Variants in NOL4 observed in about 807,000 individuals in gnomAD.
The protein encoded by NOL4 is cancer/testis antigen 125.
In NOL4, 17 loss-of-function variants were observed where a neutral mutation model predicts 75.9. The ratio of observed to expected loss-of-function variants is 0.22; its 90% confidence interval spans 0.15 to 0.34. The LOEUF (loss-of-function observed/expected upper bound fraction) is 0.34. Among genes scored for constraint, NOL4 ranks in the 10% least tolerant of loss-of-function variants. NOL4 has a pLI of 1.00. For synonymous variants in NOL4, 292 were observed against 289.9 expected, an observed-to-expected ratio of 1.01 and a Z score of -0.07; for missense variants, 614 against 793.5, an observed-to-expected ratio of 0.77 and a Z score of 2.72.
At chr18:34,095,057 T>C (rs1421475775) in intron 4 of NOL4, among the ~76,000 whole-genome samples, 1 of 152,036 alleles carries the variant, frequency 6.6e-6, no homozygotes, top group Non-Finnish European at 1.5e-5. Flanking sequence ...GGCTTGGTGG[T>C]TTTGGCTGTG....
In NOL4 at chr18:34,002,007, T is replaced by G. The variant is rs181584423; in HGVS notation, c.1056+17311A>C. On this transcript the variant is annotated intron_variant, in intron 6 of 10. Coordinates refer to ENST00000261592, the MANE Select transcript of NOL4 (RefSeq NM_003787.5). Reference sequence around the variant, plus strand: ...AGTGCCATCCACACAGAAACCTACCTTAGTGACTTGTAGTACCACTCACCC... The same window carrying G: ...AGTGCCATCCACACAGAAACCTACCGTAGTGACTTGTAGTACCACTCACCC... 3.2e-3 allele frequency among the ~76,000 whole-genome samples: 481 copies of G among 152,224 alleles called. 6 individuals are homozygous for G. Among genetic ancestry groups the G allele is most frequent in the African/African-American group, 0.01 (423 of 41,564 alleles).
At chr18:34,089,794 TA>T (rs371975665) in intron 5 of NOL4, among the ~76,000 whole-genome samples, 10 of 152,352 alleles carry the variant, frequency 6.6e-5, no homozygotes, top group African/African-American at 2.4e-4. Context: ...AGGAAGCTGC[TA>T]AACATTATGC....
At chr18:34,022,946 T>A (rs2144516291) in intron 5 of NOL4, among the ~76,000 whole-genome samples, 1 of 152,218 alleles carries the variant, frequency 6.6e-6, no homozygotes, top group South Asian at 2.1e-4. Flanking sequence ...ATAAGTGCCT[T>A]GTTTTTATAT....
At chr18:34,221,926 G>A (rs950722358) in intron 1 of NOL4, 5 of 1,033,028 alleles carry the variant, frequency 4.8e-6, no homozygotes, top group African/African-American at 4.8e-5. Context: ...CAGGAGGGGG[G>A]AAAGGAAGAA....
At chr18:34,115,570 G>T (rs1304328300) in intron 2 of NOL4, among the ~76,000 whole-genome samples, 6 of 151,282 alleles carry the variant, frequency 4.0e-5, no homozygotes, top group South Asian at 2.1e-4. Flanking sequence ...GGCAATAAAA[G>T]GTTGGGGTGG....
At chr18:33,922,152 C>T (rs894283696) in intron 9 of NOL4, among the ~76,000 whole-genome samples, 1 of 152,196 alleles carries the variant, frequency 6.6e-6, no homozygotes, top group Admixed American at 6.5e-5. Flanking sequence ...AATTATGAGA[C>T]ACTCAATCAA....
chr18:34,213,837 A>C (rs963939062), intron 1 of NOL4, among the ~76,000 whole-genome samples: 1 of 152,224 alleles, frequency 6.6e-6, no homozygotes, highest in Non-Finnish European at 1.5e-5. Context: ...AAATCAAAGA[A>C]GTATAATTAA....
At chr18:33,868,211 A>AT (rs74341988) in intron 10 of NOL4, among the ~76,000 whole-genome samples, 213 of 141,358 alleles carry the variant, frequency 1.5e-3, no homozygotes, top group Middle Eastern at 7.5e-3. Context: ...CACCTGGGTA[A>AT]TTTTTTTTTT....
Position 34,019,321 on chromosome 18 carries a change from G to A in NOL4, c.1053C>T (p.Ser351=). ...GGAAATTGTAATGTGATCATACCTT[G>A]CTTCCATTTTCTCTCGCCTCTCGTT... ...KMEREARENG[S]KSPAHSYSSY... is the part of the protein sequence containing the mutation. The change falls in exon 6 of 11, where the codon AGC becomes AGT. Residue 351 remains serine (S), a synonymous_variant. Transcript: ENST00000261592. The A allele has an allele frequency of 6.2e-7, 1 of 1,612,710 alleles. No homozygotes were observed. The highest frequency in any genetic ancestry group is 8.5e-7 in the Non-Finnish European group (1 of 1,178,984).
intron 6 of NOL4, among the ~76,000 whole-genome samples, chr18:33,961,192 A>T (rs1261005942): frequency 6.6e-6 from 1 of 152,134 alleles, no homozygotes; most frequent in Non-Finnish European, 1.5e-5. Flanking sequence ...TGACAGGATG[A>T]CACGGTGTCC....
intron 6 of NOL4, among the ~76,000 whole-genome samples, chr18:34,002,479 A>G (rs2073783050): frequency 6.6e-6 from 1 of 151,966 alleles, no homozygotes; most frequent in African/African-American, 2.4e-5. Context: ...CCAAGACCCA[A>G]ACCAGTGTCT....
At chr18:34,020,350 G>A (rs1400256906) in intron 5 of NOL4, among the ~76,000 whole-genome samples, 1 of 152,008 alleles carries the variant, frequency 6.6e-6, no homozygotes, top group Non-Finnish European at 1.5e-5. Flanking sequence ...TTTCCAGTGA[G>A]AATATCTAGA....
intron 6 of NOL4, among the ~76,000 whole-genome samples, chr18:33,980,104 A>T (rs1005253996): frequency 1.3e-5 from 2 of 152,122 alleles, no homozygotes; most frequent in Non-Finnish European, 2.9e-5. Context: ...TGGATTTGTC[A>T]CAGAAGTGAG....
At chr18:33,907,979 CAACTT>C (rs1440436850) in intron 9 of NOL4, among the ~76,000 whole-genome samples, 1 of 152,038 alleles carries the variant, frequency 6.6e-6, no homozygotes, top group Admixed American at 6.6e-5. Flanking sequence ...ATTAAGGAAA[CAACTT>C]GACTTTCTTT....
chr18:33,861,531 C>G (rs914434613), intron 10 of NOL4, among the ~76,000 whole-genome samples: 7 of 151,466 alleles, frequency 4.6e-5, no homozygotes, highest in Non-Finnish European at 8.8e-5. Context: ...CTCTTTTTTT[C>G]TTTATTAGTC....
intron 5 of NOL4, among the ~76,000 whole-genome samples, chr18:34,078,972 C>T (rs939560169): frequency 2.6e-5 from 4 of 152,130 alleles, no homozygotes; most frequent in Non-Finnish European, 5.9e-5. Flanking sequence ...GTCATCAACT[C>T]AACTGTACAA....
rs542967450 is a variant in NOL4, at chr18:33,970,228, T to C, written c.1057-11810A>G. Among the ~76,000 whole-genome samples the C allele has an allele frequency of 3.9e-5, 6 of 152,338 alleles. No individual in the cohort carries two copies. The South Asian group carries it at 1.0e-3, about 26-fold the overall frequency. ...TATTTGAGAGTTCTTAATATATTTATCCATTCTAAAAACCCAGATATGTAA... is the reference window on the plus strand; with the variant it reads ...TATTTGAGAGTTCTTAATATATTTACCCATTCTAAAAACCCAGATATGTAA... On this transcript the variant is annotated intron_variant, in intron 6 of 10. Coordinates refer to ENST00000261592, the MANE Select transcript of NOL4 (RefSeq NM_003787.5).
At chr18:33,953,824 A>G (rs9954812) in intron 8 of NOL4, among the ~76,000 whole-genome samples, 2,768 of 152,280 alleles carry the variant, frequency 0.018, 76 homozygotes, top group African/African-American at 0.064. Flanking sequence ...CACTGTACAC[A>G]AGGACAGACA....
intron 1 of NOL4, among the ~76,000 whole-genome samples, chr18:34,148,217 G>T (rs1438977832): frequency 6.6e-6 from 1 of 151,910 alleles, no homozygotes; most frequent in Non-Finnish European, 1.5e-5. Flanking sequence ...ATCTCCTTCA[G>T]TTCTGCTCTG....
Sources: gnomAD v4.1 joint callset for allele counts (sites outside exome capture counted in the v4.1 genomes callset) on GRCh38, gnomAD v4.1.1 for gene constraint, MANE v1.5 for transcripts, NCBI Gene and HGNC (gene_info 2026-07-23, HGNC 2026-07-21) for gene names.